Variants in IGDCC4 observed in about 807,000 individuals in gnomAD.
IGDCC4 encodes the protein immunoglobulin superfamily DCC subclass member 4, also known as likely ortholog of mouse neighbor of Punc E11.
In IGDCC4, 72 loss-of-function variants were observed where a neutral mutation model predicts 116.6. The ratio of observed to expected loss-of-function variants is 0.62; its 90% CI spans 0.51 to 0.75. The LOEUF (loss-of-function observed/expected upper bound fraction) is 0.75. Among genes scored for constraint, IGDCC4 ranks in the 30% least tolerant of loss-of-function variants. The probability of loss-of-function intolerance (pLI) is 0.00; values close to 1 mark genes in which losing one functional copy is unlikely to be tolerated. For synonymous variants in IGDCC4, 709 were observed against 719.9 expected, an observed-to-expected ratio of 0.98 and a Z score of 0.24; for missense variants, 1,501 against 1,662.4, an observed-to-expected ratio of 0.90 and a Z score of 1.69.
At chr15:65,419,202 A>G (rs966953440) in intron 1 of IGDCC4, among the ~76,000 whole-genome samples, 2 of 150,340 alleles carry the variant, frequency 1.3e-5, no homozygotes, top group African/African-American at 4.9e-5. Context: ...GACAACAGGG[A>G]ACACCACCAT....
rs34659004 is a variant in IGDCC4 at position 65,407,289 on chromosome 15, GA to G, written c.563+2888del. Among the ~76,000 whole-genome samples the G allele has an allele frequency of 8.3e-3, 1,148 of 138,878 alleles. 9 individuals carry two copies. The highest frequency in any genetic ancestry group is 0.024 in the African/African-American group (905 of 37,400). 91.1% of individuals were successfully genotyped at this position (138,878 alleles called of 152,430 possible). ...GCAACATAATCCCATTTTTGTTTTT[GA>G]AAAAAAAAAAAGATGATTCAACAAA... is the stretch of plus-strand genomic sequence containing the variant. On this transcript the variant is annotated intron_variant, in intron 3 of 19. Coordinates refer to ENST00000352385, the MANE Select transcript of IGDCC4 (RefSeq NM_020962.3).
At position 65,402,410 on chromosome 15, in the gene IGDCC4, G is replaced by C; in HGVS notation, c.641C>G (p.Ala214Gly). The C allele has an allele frequency of 6.4e-7, 1 of 1,570,244 alleles. No homozygotes were observed. The highest frequency in any genetic ancestry group is 1.2e-5 in the South Asian group (1 of 85,310). Residue 214 changes from alanine (A) to glycine (G), a missense_variant, in exon 4 of 20, where the codon GCC becomes GGC. Ala to Gly is a moderately conservative substitution (Grantham distance 60). Transcript: ENST00000352385. ...GAAGTGCTGGCGAGCTGAGTTGGTG[G>C]CCACGCAGCGGTAGGGGCCTGCATC... ...ESDAGPYRCV[A>G]TNSARQHFSQ...
intron 5 of IGDCC4, among the ~76,000 whole-genome samples, chr15:65,397,699 A>G (rs2062941469): frequency 6.6e-6 from 1 of 151,918 alleles, no homozygotes; most frequent in Non-Finnish European, 1.5e-5. Context: ...TAAAACACAG[A>G]TGTTAATTTT....
intron 16 of IGDCC4, among the ~76,000 whole-genome samples, chr15:65,388,086 A>G (rs2091475818): frequency 6.6e-6 from 1 of 152,212 alleles, no homozygotes; most frequent in South Asian, 2.1e-4. Context: ...TCTACTAAAA[A>G]TACAAAAATT....
chr15:65,411,119 C>T lies in IGDCC4; in HGVS notation c.322G>A (p.Val108Ile). The change falls in exon 2 of 20, where the codon GTC (valine) becomes ATC (isoleucine). Residue 108 changes from valine (V) to isoleucine (I), a missense_variant. Transcript: ENST00000352385. Reference protein sequence around the residue: ...PLAPNGSDESVPEAVGVIEGN... With the variant: ...PLAPNGSDESIPEAVGVIEGN... The stretch of plus-strand genomic sequence containing the variant: ...TCAATGACCCCCACAGCCTCAGGGA[C>T]TGACTCGTCACTGCCATTGGGTGCT... 6.2e-7 allele frequency: 1 copy of T among 1,614,234 alleles called. No individual in the cohort carries two copies. Among genetic ancestry groups the T allele is most frequent in the Non-Finnish European group, 8.5e-7 (1 of 1,180,038 alleles).
chr15:65,404,309 A>G (rs542952436), intron 3 of IGDCC4, among the ~76,000 whole-genome samples: 3 of 152,158 alleles, frequency 2.0e-5, no homozygotes, highest in Non-Finnish European at 1.5e-5. Flanking sequence ...AGCTGCCTAC[A>G]TAAGTGCTGG....
At chr15:65,417,126 GC>G (rs1287273535) in intron 1 of IGDCC4, among the ~76,000 whole-genome samples, 1 of 152,138 alleles carries the variant, frequency 6.6e-6, no homozygotes, top group East Asian at 1.9e-4. Flanking sequence ...CTTGTTTGCA[GC>G]CCAGGAGAAA....
chr15:65,386,294 G>C (rs1204004381), intron 17 of IGDCC4, among the ~76,000 whole-genome samples: 4 of 152,262 alleles, frequency 2.6e-5, no homozygotes, highest in Admixed American at 2.6e-4. Flanking sequence ...CTCTTTCCAA[G>C]ATGCTGGCAG....
In IGDCC4 at chr15:65,393,518, A is replaced by G. The variant is rs773653044; in HGVS notation, c.1728T>C (p.Ser576=). The G allele has an allele frequency of 5.6e-6, 9 of 1,601,404 alleles. 1 individual carries two copies. The South Asian group carries it at 1.0e-4, about 18-fold the overall frequency. The change falls in exon 10 of 20, where the codon TCT becomes TCC. Residue 576 remains serine (S), a synonymous_variant. Transcript: ENST00000352385. The surrounding 1 kb of genome is among the most constrained non-coding windows in gnomAD (Gnocchi z 4.6). ...GTGTCTCATTTCCTCGCACCTCAGTAGAGAAAATCTGATCTGCAGGGACAG... is the reference window on the plus strand; with the variant it reads ...GTGTCTCATTTCCTCGCACCTCAGTGGAGAAAATCTGATCTGCAGGGACAG... ...YGLGKEDQIF[S]TEVRGNETQL...
chr15:65,385,695 G>A (rs2091448330), intron 18 of IGDCC4, 136 bp downstream of exon 18: 2 of 764,726 alleles, frequency 2.6e-6, no homozygotes, highest in South Asian at 2.8e-5. Flanking sequence ...ATTCCGTGGA[G>A]GAGGGAGAGA....
At chr15:65,398,397 G>A (rs369698798) in intron 5 of IGDCC4, among the ~76,000 whole-genome samples, 1 of 151,852 alleles carries the variant, frequency 6.6e-6, no homozygotes, top group East Asian at 1.9e-4. Flanking sequence ...AGCCGAGTGT[G>A]GTGGTGCATG....
intron 3 of IGDCC4, among the ~76,000 whole-genome samples, chr15:65,409,712 C>A (rs1158303825): frequency 6.6e-6 from 1 of 152,226 alleles, no homozygotes; most frequent in Admixed American, 6.5e-5. Flanking sequence ...GAGGGCTACG[C>A]CCCACTGGAT....
chr15:65,388,903 G>C lies in IGDCC4; in HGVS notation c.2612C>G (p.Pro871Arg). The C allele has an allele frequency of 3.7e-6, 6 of 1,613,870 alleles. No homozygotes were observed. The highest frequency in any genetic ancestry group is 5.1e-6 in the Non-Finnish European group (6 of 1,179,974). ...PSTVRLHWCP[P>R]TEPNGEIVEY... is the part of the protein sequence containing the mutation. ...CACGATCTCCCCGTTGGGCTCTGTG[G>C]GGGGGCACCAGTGCAGCCGAACCGT... is the stretch of plus-strand genomic sequence containing the variant. The change falls in exon 15 of 20, where the codon CCC (proline) becomes CGC (arginine). Residue 871 changes from proline to arginine, a missense_variant. Pro to Arg is a moderately radical substitution (Grantham distance 103, BLOSUM62 -2). This residue lies in a region of IGDCC4 where 235 missense variants were observed against 328.0 expected (regional missense o/e 0.72). Coordinates refer to ENST00000352385, the MANE Select transcript of IGDCC4 (RefSeq NM_020962.3).
chr15:65,395,965 T>C lies in IGDCC4; in HGVS notation c.1196A>G (p.Asp399Gly). 4.4e-6 allele frequency: 7 copies of C among 1,584,100 alleles called. No homozygotes were observed. The highest frequency in any genetic ancestry group is 6.0e-6 in the Non-Finnish European group (7 of 1,172,888). The change falls in exon 7 of 20, where the codon GAC becomes GGC. Residue 399 changes from aspartate to glycine, a missense_variant. Coordinates refer to ENST00000352385, the MANE Select transcript of IGDCC4 (RefSeq NM_020962.3). ...AGCCACGCACTGGTAGTAGCCGGCG[T>C]CCTGCAGGCCGATCTGTGTGATGAC... Reference protein sequence around the residue: ...SLVITQIGLQDAGYYQCVAEN... With the variant: ...SLVITQIGLQGAGYYQCVAEN...
intron 3 of IGDCC4, among the ~76,000 whole-genome samples, chr15:65,408,964 C>T (rs2063064377): frequency 6.6e-6 from 1 of 151,300 alleles, no homozygotes; most frequent in African/African-American, 2.4e-5. Context: ...TTCCAAGTAG[C>T]GGGGACCACA....
chr15:65,390,298 G>T lies in IGDCC4; in HGVS notation c.2265C>A (p.His755Gln), dbSNP rs760671350. 3 of 1,610,294 alleles carry T rather than the reference G, an allele frequency of 1.9e-6. No individual in the cohort carries two copies. The highest frequency in any genetic ancestry group is 2.5e-6 in the Non-Finnish European group (3 of 1,177,086). Residue 755 changes from histidine to glutamine, a missense_variant, in exon 13 of 20, where the codon CAC becomes CAA. His to Gln is a conservative substitution (Grantham distance 24). Coordinates refer to ENST00000352385, the MANE Select transcript of IGDCC4 (RefSeq NM_020962.3). ...TGGAGCTGTTTGATTCCGCATGGAC[G>T]TGGGCTGGAGGCAGGGGTGGTCCCC... ...IQRGPPLPPA[H>Q]VHAESNSSTS...
chr15:65,384,501 A>T lies in IGDCC4; in HGVS notation c.3343-82T>A. Reference sequence around the variant, plus strand: ...AATGACCAGCGTACGTGGGGCAGAAAGTCTGACCCTCCATCAGAGTAAGTA... The same window carrying T: ...AATGACCAGCGTACGTGGGGCAGAATGTCTGACCCTCCATCAGAGTAAGTA... On this transcript the variant is annotated intron_variant, in intron 19 of 19. Transcript: ENST00000352385. The surrounding 1 kb of genome is among the most constrained non-coding windows in gnomAD (Gnocchi z 4.9). 7.5e-7 allele frequency: 1 copy of T among 1,330,884 alleles called. No individual in the cohort carries two copies. Among genetic ancestry groups the T allele is most frequent in the Non-Finnish European group, 1.0e-6 (1 of 992,644 alleles). 82.4% of individuals were successfully genotyped at this position (1,330,884 alleles called of 1,614,324 possible). A position where few individuals can be genotyped will look rare whatever the true frequency, so the allele number is the denominator to read the frequency against.
At chr15:65,398,923 C>G (rs952635502) in intron 5 of IGDCC4, among the ~76,000 whole-genome samples, 1 of 152,054 alleles carries the variant, frequency 6.6e-6, no homozygotes, top group Non-Finnish European at 1.5e-5. Flanking sequence ...CAAAAACAAA[C>G]AACCCATGCC....
At chr15:65,400,218 G>T (rs2062970886) in intron 5 of IGDCC4, among the ~76,000 whole-genome samples, 1 of 152,238 alleles carries the variant, frequency 6.6e-6, no homozygotes. Context: ...CTTCTCACTT[G>T]TAGCCTGATA....
Sources: allele counts gnomAD v4.1 joint callset (sites outside exome capture counted in the v4.1 genomes callset), GRCh38; gene constraint gnomAD v4.1.1; regional missense constraint gnomAD v4.1.1; non-coding constraint Gnocchi (gnomAD v3.1); transcripts MANE v1.5; gene names NCBI Gene and HGNC (gene_info 2026-07-23, HGNC 2026-07-21).